SVEP1: variants seen among roughly 807,000 people sequenced by gnomAD.
SVEP1 encodes sushi, von Willebrand factor type A, EGF and pentraxin domain-containing protein 1.
Under a neutral mutation model 367.3 loss-of-function variants are expected in SVEP1, and 164 were observed. That is an observed-to-expected ratio of 0.45 (90% confidence interval 0.39 to 0.51). The LOEUF is 0.51. Among genes scored for constraint, SVEP1 ranks in the 20% least tolerant of loss-of-function variants. The pLI is 0.00. For synonymous variants in SVEP1, 1,666 were observed against 1,611.6 expected (o/e 1.03, Z -0.81); for missense variants, 4,117 against 4,425.3 (o/e 0.93, Z 1.98).
intron 3 of SVEP1, among the ~76,000 whole-genome samples, chr9:110,524,530 G>A (rs1829917391): frequency 6.6e-6 from 1 of 152,028 alleles, no homozygotes; most frequent in South Asian, 2.1e-4. Flanking sequence ...ATGTAATCAT[G>A]TTAACAATAT....
intron 3 of SVEP1, among the ~76,000 whole-genome samples, chr9:110,528,210 A>T (rs1029551715): frequency 7.2e-5 from 9 of 124,304 alleles, no homozygotes. Context: ...TTAGCCACTC[A>T]TCAATTGATG....
At chr9:110,413,799 C>A (rs1332649977) in intron 36 of SVEP1, among the ~76,000 whole-genome samples, 1 of 151,900 alleles carries the variant, frequency 6.6e-6, no homozygotes, top group Non-Finnish European at 1.5e-5. Flanking sequence ...TCTTACTGAA[C>A]AGAAAATTGA....
intron 40 of SVEP1, among the ~76,000 whole-genome samples, chr9:110,399,030 A>G (rs1303364357): frequency 6.6e-6 from 1 of 152,206 alleles, no homozygotes; most frequent in African/African-American, 2.4e-5. Flanking sequence ...ATGCTGCTAT[A>G]AAGACACATG....
intron 9 of SVEP1, among the ~76,000 whole-genome samples, chr9:110,488,691 T>C (rs1238815771): frequency 6.7e-6 from 1 of 150,100 alleles, no homozygotes; most frequent in East Asian, 1.9e-4. Flanking sequence ...TGAGACCTTG[T>C]CTCTACAAAA....
intron 2 of SVEP1, 71 bp downstream of exon 2, chr9:110,549,778 G>A: frequency 1.3e-6 from 2 of 1,565,044 alleles, no homozygotes; most frequent in Non-Finnish European, 1.7e-6. Context: ...CCCTCCCATG[G>A]GTTTCAAGCA....
intron 9 of SVEP1, among the ~76,000 whole-genome samples, chr9:110,484,635 C>G (rs1025352151): frequency 2.0e-5 from 3 of 152,016 alleles, no homozygotes; most frequent in Non-Finnish European, 4.4e-5. Context: ...ACAAAAGAAA[C>G]TATTATCAGA....
chr9:110,377,341 AT>A lies in SVEP1; in HGVS notation c.10433del (p.Asn3478MetfsTer32). On this transcript the variant is annotated frameshift_variant, in exon 45 of 48. Transcript: ENST00000374469. LOFTEE classifies it high-confidence loss of function. ...CATTTGGGCGTTGGCAGATGCCCCCATTCTGACATGGAAATCGACAGACAGC... is the reference window on the plus strand; with the variant it reads ...CATTTGGGCGTTGGCAGATGCCCCCATCTGACATGGAAATCGACAGACAGC... ...CRAVCRFPCQ[N>X]GGICQRPNAC... 1 of 1,613,832 alleles carries A rather than the reference AT, an allele frequency of 6.2e-7. No individual in the cohort carries two copies. Among genetic ancestry groups the A allele is most frequent in the Non-Finnish European group, 8.5e-7 (1 of 1,179,752 alleles).
Position 110,474,997 on chromosome 9 carries a change from AG to A in SVEP1, c.2599+1206del, listed in dbSNP as rs904786981. On this transcript the variant is annotated intron_variant, in intron 14 of 47. Transcript: ENST00000374469. ...ATATATCATAGTATGGTATATATAC[AG>A]TATATATAGTATGGTATATATATGT... Among the ~76,000 whole-genome samples, 220 of 150,832 alleles carry A rather than the reference AG, an allele frequency of 1.5e-3. 2 individuals are homozygous for A. The highest frequency in any genetic ancestry group is 5.2e-3 in the African/African-American group (215 of 41,270).
At chr9:110,573,485 A>G (rs1398671796) in intron 1 of SVEP1, among the ~76,000 whole-genome samples, 2 of 152,120 alleles carry the variant, frequency 1.3e-5, no homozygotes, top group Non-Finnish European at 2.9e-5. Flanking sequence ...CTGACCATCT[A>G]AAGCTTGGAT....
intron 5 of SVEP1, among the ~76,000 whole-genome samples, chr9:110,510,832 C>T (rs925774282): frequency 1.3e-5 from 2 of 152,168 alleles, no homozygotes; most frequent in Non-Finnish European, 2.9e-5. Context: ...ATTGACTTCA[C>T]GAAAATATAT....
At chr9:110,434,758 C>T (rs1020239931) in intron 29 of SVEP1, among the ~76,000 whole-genome samples, 5 of 139,918 alleles carry the variant, frequency 3.6e-5, no homozygotes, top group Admixed American at 7.4e-5. Context: ...TGTAAGTTAT[C>T]AAAAGCCATA....
chr9:110,395,593 A>T (rs890400416), intron 40 of SVEP1, among the ~76,000 whole-genome samples: 1 of 152,122 alleles, frequency 6.6e-6, no homozygotes, highest in Admixed American at 6.5e-5. Flanking sequence ...TCAGTGTGCT[A>T]TATTCAGGAA....
intron 2 of SVEP1, among the ~76,000 whole-genome samples, chr9:110,548,417 G>A (rs1026021887): frequency 6.6e-6 from 1 of 152,040 alleles, no homozygotes; most frequent in Admixed American, 6.6e-5. Flanking sequence ...AAGCCATCAG[G>A]AACTTTCTCA....
At chr9:110,384,656 C>G (rs1490553722) in intron 43 of SVEP1, among the ~76,000 whole-genome samples, 1 of 151,346 alleles carries the variant, frequency 6.6e-6, no homozygotes, top group Non-Finnish European at 1.5e-5. Context: ...AATTGAGACT[C>G]TTAACAAATG....
chr9:110,488,040 C>G (rs971509375), intron 9 of SVEP1, among the ~76,000 whole-genome samples: 8 of 152,140 alleles, frequency 5.3e-5, no homozygotes, highest in African/African-American at 1.7e-4. Flanking sequence ...GACTGATCCG[C>G]AGCGGTGGTT....
At chr9:110,477,700 C>G (rs1388381486) in intron 13 of SVEP1, among the ~76,000 whole-genome samples, 1 of 152,050 alleles carries the variant, frequency 6.6e-6, no homozygotes, top group Non-Finnish European at 1.5e-5. Context: ...CTCCTTGACT[C>G]TTCTCTTTAT....
chr9:110,451,875 G>A (rs1828699404), intron 22 of SVEP1, among the ~76,000 whole-genome samples: 1 of 152,156 alleles, frequency 6.6e-6, no homozygotes, highest in Non-Finnish European at 1.5e-5. Context: ...GCTGTCCCAT[G>A]TTTTGTGTGA....
intron 1 of SVEP1, among the ~76,000 whole-genome samples, chr9:110,569,317 A>C (rs7872114): frequency 6.6e-6 from 1 of 151,658 alleles, no homozygotes; most frequent in Non-Finnish European, 1.5e-5. Context: ...TTAGCTGAGC[A>C]TGGTGGTGCA....
intron 46 of SVEP1, among the ~76,000 whole-genome samples, chr9:110,371,447 G>GT (rs1343500576): frequency 6.6e-6 from 1 of 151,920 alleles, no homozygotes; most frequent in African/African-American, 2.4e-5. Flanking sequence ...TTTTCCTCCC[G>GT]TGAGTATTTT....
Sources: gnomAD v4.1 joint callset for allele counts (sites outside exome capture counted in the v4.1 genomes callset) on GRCh38, gnomAD v4.1.1 for gene constraint, MANE v1.5 for transcripts, NCBI Gene and HGNC (gene_info 2026-07-23, HGNC 2026-07-21) for gene names.